The following GABRB1 variants were observed in gnomAD, a reference collection of about 807,000 sequenced individuals.
GABRB1 encodes the protein gamma-aminobutyric acid type A receptor subunit beta1, also known as gamma-aminobutyric acid receptor subunit beta-1.
Under a neutral mutation model 51.6 loss-of-function variants are expected in GABRB1, and 17 were observed. The ratio of observed to expected loss-of-function variants is 0.33; its 90% CI spans 0.23 to 0.49. The LOEUF (loss-of-function observed/expected upper bound fraction) is 0.49, where lower values mean the gene tolerates loss of function less well. GABRB1 is among the 20% of genes least tolerant of loss of function. The pLI is 0.99. For missense variants in GABRB1, 410 were observed against 600.6 expected (o/e 0.68, Z 3.32); for synonymous variants, 247 against 218.9 (o/e 1.13, Z -1.14).
intron 7 of GABRB1, among the ~76,000 whole-genome samples, chr4:47,405,540 T>C (rs1260732751): frequency 6.6e-6 from 1 of 152,152 alleles, no homozygotes; most frequent in Non-Finnish European, 1.5e-5. Context: ...CTTTTGACCC[T>C]AGCTGGGTGG....
intron 4 of GABRB1, among the ~76,000 whole-genome samples, chr4:47,290,358 A>G (rs1000573259): frequency 2.0e-5 from 3 of 152,204 alleles, no homozygotes; most frequent in Non-Finnish European, 4.4e-5. Flanking sequence ...ACTTTCCACC[A>G]TGATTGTGAG....
intron 3 of GABRB1, among the ~76,000 whole-genome samples, chr4:47,131,371 T>C (rs7665800): frequency 0.19 from 29,296 of 152,126 alleles, 3,049 homozygotes; most frequent in East Asian, 0.33. Context: ...GTTGGCAGGC[T>C]GGTCTCGAAC....
At chr4:47,361,463 A>G (rs1206226471) in intron 5 of GABRB1, among the ~76,000 whole-genome samples, 2 of 152,112 alleles carry the variant, frequency 1.3e-5, no homozygotes, top group Non-Finnish European at 2.9e-5. Flanking sequence ...GCAGGAGTTG[A>G]GGTTGTAGAA....
In GABRB1 at chr4:47,381,986, G is replaced by T. The variant is rs150553654; in HGVS notation, c.545-21332G>T. Among the ~76,000 whole-genome samples the T allele has an allele frequency of 2.0e-4, 30 of 152,268 alleles. No individual in the cohort carries two copies. The East Asian group carries it at 5.0e-3, about 25-fold the overall frequency. The stretch of plus-strand genomic sequence containing the variant: ...AGTAGTGTGTGACCACATTTTTATT[G>T]TCTAGGCTGGGGGTAGGGATAAGGT... On this transcript the variant is annotated intron_variant, in intron 5 of 8. Transcript: ENST00000295454.
chr4:47,346,523 C>T (rs1726094610), intron 5 of GABRB1, among the ~76,000 whole-genome samples: 3 of 151,626 alleles, frequency 2.0e-5, no homozygotes, highest in South Asian at 2.1e-4. Flanking sequence ...ATCTGGTAAT[C>T]ATGAAGCAGT....
intron 5 of GABRB1, among the ~76,000 whole-genome samples, chr4:47,351,325 C>T (rs1203138628): frequency 6.6e-6 from 1 of 152,126 alleles, no homozygotes; most frequent in African/African-American, 2.4e-5. Flanking sequence ...TAATTCCCCC[C>T]AAAAAATATC....
intron 5 of GABRB1, among the ~76,000 whole-genome samples, chr4:47,364,801 T>TA (rs1273781059): frequency 6.6e-6 from 1 of 151,804 alleles, no homozygotes; most frequent in Non-Finnish European, 1.5e-5. Flanking sequence ...AAGATGCGCA[T>TA]AAAATTCTTT....
intron 4 of GABRB1, among the ~76,000 whole-genome samples, chr4:47,176,639 CTG>C (rs549525199): frequency 1.1e-4 from 16 of 152,018 alleles, no homozygotes; most frequent in African/African-American, 3.4e-4. Flanking sequence ...GCCTTGGTGA[CTG>C]TATTATTTCA....
intron 4 of GABRB1, among the ~76,000 whole-genome samples, chr4:47,169,152 T>A (rs1046809682): frequency 6.6e-6 from 1 of 152,176 alleles, no homozygotes; most frequent in African/African-American, 2.4e-5. Context: ...TAGCAACTGA[T>A]AATAATTTTC....
intron 3 of GABRB1, among the ~76,000 whole-genome samples, chr4:47,120,172 T>C (rs1200049958): frequency 1.3e-5 from 2 of 152,146 alleles, no homozygotes; most frequent in African/African-American, 4.8e-5. Flanking sequence ...GATACAACAA[T>C]GTGTGTATGT....
chr4:47,134,999 G>T (rs1366206556), intron 3 of GABRB1, among the ~76,000 whole-genome samples: 2 of 152,096 alleles, frequency 1.3e-5, no homozygotes, highest in Non-Finnish European at 2.9e-5. Context: ...AGTGGCATGT[G>T]CCCGTGTCTC....
Position 47,095,953 on chromosome 4 carries a change from G to A in GABRB1, c.240+63469G>A, listed in dbSNP as rs192597485. Reference sequence around the variant, plus strand: ...AATGCAAAATCTTTCCAAATATAAAGTGCTCAGAGTAGGATAATGACAAGT... The same window carrying A: ...AATGCAAAATCTTTCCAAATATAAAATGCTCAGAGTAGGATAATGACAAGT... On this transcript the variant is annotated intron_variant, in intron 3 of 8. Transcript: ENST00000295454. Among the ~76,000 whole-genome samples the A allele has an allele frequency of 1.2e-3, 186 of 152,276 alleles. 1 individual carries two copies. The highest frequency in any genetic ancestry group is 4.2e-3 in the African/African-American group (175 of 41,566).
chr4:47,028,221 A>T (rs75100737), upstream of GABRB1, among the ~76,000 whole-genome samples: 1,086 of 151,768 alleles, frequency 7.2e-3, 15 homozygotes, highest in African/African-American at 0.025. Flanking sequence ...GTGTATGTTT[A>T]TGGGGTACAT....
intron 3 of GABRB1, among the ~76,000 whole-genome samples, chr4:47,145,659 T>A (rs1022901721): frequency 6.6e-6 from 1 of 152,042 alleles, no homozygotes; most frequent in African/African-American, 2.4e-5. Flanking sequence ...AGTCAGGTAA[T>A]CTTGCAAAAT....
intron 5 of GABRB1, among the ~76,000 whole-genome samples, chr4:47,372,688 A>C (rs1250377893): frequency 6.6e-6 from 1 of 152,160 alleles, no homozygotes; most frequent in Non-Finnish European, 1.5e-5. Flanking sequence ...GTCTTTGCTT[A>C]GTGGATGAGT....
chr4:47,298,290 G>A (rs1225192171), intron 4 of GABRB1, among the ~76,000 whole-genome samples: 3 of 152,206 alleles, frequency 2.0e-5, no homozygotes, highest in Non-Finnish European at 4.4e-5. Flanking sequence ...AAAAGAGGAA[G>A]TCAAATTGTC....
chr4:47,165,948 C>T (rs1222843759), intron 4 of GABRB1, among the ~76,000 whole-genome samples: 1 of 152,084 alleles, frequency 6.6e-6, no homozygotes, highest in East Asian at 1.9e-4. Context: ...TAATCTGTTG[C>T]TTCAATTCCA....
intron 1 of GABRB1, among the ~76,000 whole-genome samples, chr4:47,024,644 A>C (rs1039763591): frequency 2.0e-5 from 3 of 151,500 alleles, no homozygotes; most frequent in Admixed American, 2.0e-4. Context: ...CTTAGTGATG[A>C]TTTGTGAGAT....
chr4:47,113,150 C>T (rs1010235685), intron 3 of GABRB1, among the ~76,000 whole-genome samples: 1 of 152,024 alleles, frequency 6.6e-6, no homozygotes, highest in African/African-American at 2.4e-5. Context: ...CTTTGGGAAG[C>T]CAAGGTGGGC....
Sources: gnomAD v4.1 joint callset for allele counts (sites outside exome capture counted in the v4.1 genomes callset) on GRCh38, gnomAD v4.1.1 for gene constraint, MANE v1.5 for transcripts, NCBI Gene and HGNC (gene_info 2026-07-23, HGNC 2026-07-21) for gene names.